The following GSDMC variants were observed in gnomAD, a reference collection of about 807,000 sequenced individuals.
GSDMC encodes the protein gasdermin-C.
A neutral mutation model predicts 58.0 loss-of-function variants in GSDMC; 59 were observed. The ratio of observed to expected loss-of-function variants is 1.02; its 90% CI spans 0.82 to 1.26. The LOEUF (loss-of-function observed/expected upper bound fraction) is 1.26. GSDMC is among the 50% of genes most tolerant of loss of function. GSDMC has a pLI of 0.00. For missense variants in GSDMC, 659 were observed against 598.5 expected, an observed-to-expected ratio of 1.10 and a Z score of -1.06; for synonymous variants, 241 against 220.2, an observed-to-expected ratio of 1.09 and a Z score of -0.83.
At chr8:129,737,727 A>C in the GSDMC span, among the ~76,000 whole-genome samples, 1 of 152,354 alleles carries the variant, frequency 6.6e-6, no homozygotes, top group African/African-American at 2.4e-5. Flanking sequence ...AAACCTAGGC[A>C]ACACCATTCA....
At chr8:129,752,001 C>A in intron 8 of GSDMC, 105 bp downstream of exon 8, 1 of 1,453,120 alleles carries the variant, frequency 6.9e-7, no homozygotes. Flanking sequence ...CTGCCCTTTT[C>A]CCCAGAGGCC....
chr8:129,755,560 G>T (rs1033592049), intron 6 of GSDMC, among the ~76,000 whole-genome samples: 6 of 151,996 alleles, frequency 3.9e-5, no homozygotes, highest in African/African-American at 1.4e-4. Context: ...GGAAGCACAT[G>T]GAAAAACATA....
intron 3 of GSDMC, among the ~76,000 whole-genome samples, chr8:129,771,641 T>C (rs2034052514): frequency 1.3e-5 from 2 of 148,702 alleles, no homozygotes; most frequent in South Asian, 4.2e-4. Context: ...TCAAAACTTA[T>C]GGGATACAAC....
intron 6 of GSDMC, among the ~76,000 whole-genome samples, chr8:129,753,679 G>A (rs1563791042): frequency 6.6e-6 from 1 of 152,226 alleles, no homozygotes; most frequent in Non-Finnish European, 1.5e-5. Flanking sequence ...GTGGTGTAGT[G>A]CACCAAGCAG....
chr8:129,706,160 CT>C, the GSDMC span, among the ~76,000 whole-genome samples: 6 of 152,132 alleles, frequency 3.9e-5, no homozygotes, highest in African/African-American at 1.4e-4. Flanking sequence ...GGAATTGAAA[CT>C]GGTTGATGTG....
the GSDMC span, among the ~76,000 whole-genome samples, chr8:129,742,168 T>C: frequency 6.6e-6 from 1 of 152,004 alleles, no homozygotes; most frequent in African/African-American, 2.4e-5. Flanking sequence ...GAAGAGATGT[T>C]GGTCAAAGAG....
the GSDMC span, among the ~76,000 whole-genome samples, chr8:129,742,118 G>C: frequency 9.2e-5 from 14 of 151,870 alleles, no homozygotes; most frequent in African/African-American, 3.4e-4. Context: ...GTAGGACGGA[G>C]GTTACCAGAT....
the GSDMC span, chr8:129,728,733 A>G: frequency 1.1e-5 from 5 of 441,366 alleles, no homozygotes; most frequent in Non-Finnish European, 1.7e-5. Context: ...TGGCTTGTAG[A>G]TCAAACTGCA....
chr8:129,745,268 G>A (rs2032936493), downstream of GSDMC, among the ~76,000 whole-genome samples: 1 of 152,188 alleles, frequency 6.6e-6, no homozygotes, highest in Non-Finnish European at 1.5e-5. Flanking sequence ...TGGCTTCCAA[G>A]TGTCACATTC....
At chr8:129,772,114 A>C (rs1375440353) in intron 3 of GSDMC, among the ~76,000 whole-genome samples, 9 of 152,042 alleles carry the variant, frequency 5.9e-5, no homozygotes, top group Admixed American at 3.9e-4. Flanking sequence ...AATACAAAAA[A>C]TTCGGGCATG....
chr8:129,719,771 C>T, the GSDMC span, among the ~76,000 whole-genome samples: 2,780 of 152,100 alleles, frequency 0.018, 40 homozygotes, highest in Non-Finnish European at 0.03. Flanking sequence ...ATGGTGAAAC[C>T]CCGTCTCTAC....
chr8:129,765,604 T>C (rs988676923), intron 4 of GSDMC, 24 bp downstream of exon 4: 16 of 1,594,230 alleles, frequency 1.0e-5, no homozygotes, highest in Non-Finnish European at 1.4e-5. Context: ...TGAATTTCAA[T>C]CCCACTTCAG....
At chr8:129,737,737 A>G in the GSDMC span, among the ~76,000 whole-genome samples, 1 of 152,264 alleles carries the variant, frequency 6.6e-6, no homozygotes, top group Non-Finnish European at 1.5e-5. Context: ...AACACCATTC[A>G]GGACATAGGC....
At chr8:129,706,085 G>A in the GSDMC span, among the ~76,000 whole-genome samples, 1 of 152,118 alleles carries the variant, frequency 6.6e-6, no homozygotes, top group Non-Finnish European at 1.5e-5. Context: ...CCTTGCCCTT[G>A]GAATGATGAC....
chr8:129,765,725 A>G lies in GSDMC; in HGVS notation c.473T>C (p.Val158Ala). 6.2e-7 allele frequency: 1 copy of G among 1,612,788 alleles called. No individual in the cohort carries two copies. The highest frequency in any genetic ancestry group is 1.3e-5 in the African/African-American group (1 of 75,018). ...GTTGATCAGTTCAACAGCCTCTGTC[A>G]CCACGTACAGGTTGTCCCCTCTCCT... ...CRRRGDNLYV[V>A]TEAVELINNT... Residue 158 changes from valine to alanine, a missense_variant, in exon 4 of 14, where the codon GTG becomes GCG. By Grantham distance (64) the Val-to-Ala change is moderately conservative. Coordinates refer to ENST00000276708, the MANE Select transcript of GSDMC (RefSeq NM_031415.3).
intron 1 of GSDMC, among the ~76,000 whole-genome samples, chr8:129,785,680 G>A (rs2034536078): frequency 6.6e-6 from 1 of 152,082 alleles, no homozygotes; most frequent in South Asian, 2.1e-4. Flanking sequence ...AAGAGAGACA[G>A]AATTTTCAAC....
At position 129,752,726 on chromosome 8, in the gene GSDMC, G is replaced by A; in HGVS notation, c.816C>T (p.Ala272=). ...GTTTTAACTTCATATCATTGGATGA[G>A]GCATTGAAGAGGGTTGGAGAGATGG... The part of the protein sequence containing the change: ...FHTISPTLFN[A]SSNDMKLKPE... The change falls in exon 7 of 14, where the codon GCC becomes GCT. Residue 272 remains alanine, a synonymous_variant. Coordinates refer to ENST00000276708, the MANE Select transcript of GSDMC (RefSeq NM_031415.3). 1 of 1,614,202 alleles carries A rather than the reference G, an allele frequency of 6.2e-7. No individual in the cohort carries two copies. Among genetic ancestry groups the A allele is most frequent in the East Asian group, 2.2e-5 (1 of 44,886 alleles).
At position 129,777,460 on chromosome 8, in the gene GSDMC, T is replaced by C. The variant is rs755630735; in HGVS notation, c.128A>G (p.Lys43Arg). 9 of 1,613,002 alleles carry C rather than the reference T, an allele frequency of 5.6e-6. No individual in the cohort carries two copies. Among genetic ancestry groups the C allele is most frequent in the Non-Finnish European group, 7.6e-6 (9 of 1,179,118 alleles). The change falls in exon 2 of 14, where the codon AAG (lysine) becomes AGG (arginine). Residue 43 changes from lysine to arginine, a missense_variant. Physicochemically the swap from Lys to Arg is conservative, Grantham distance 26. Coordinates refer to ENST00000276708, the MANE Select transcript of GSDMC (RefSeq NM_031415.3). ...LRQFVILRKK[K>R]DSRSSFWEQS... ...TTCCCAAAATGATGAACGAGAATCC[T>C]TCTTCTTTCGTAATATAACAAACTG...
the GSDMC span, among the ~76,000 whole-genome samples, chr8:129,733,210 T>C: frequency 2.1e-5 from 3 of 139,904 alleles, no homozygotes; most frequent in Non-Finnish European, 4.5e-5. Context: ...CTGTTGCCTC[T>C]GTAGATTCCA....
Sources: allele counts gnomAD v4.1 joint callset (sites outside exome capture counted in the v4.1 genomes callset), GRCh38; gene constraint gnomAD v4.1.1; transcripts MANE v1.5; gene names NCBI Gene and HGNC (gene_info 2026-07-23, HGNC 2026-07-21).